Variants in PHACTR1 observed in about 807,000 individuals in gnomAD.
PHACTR1 encodes the protein RPEL repeat containing 1.
PHACTR1 carries 16 observed loss-of-function variants against 69.2 expected under a neutral mutation model. The observed-to-expected ratio is 0.23, with a 90% confidence interval of 0.16 to 0.35. The LOEUF is 0.35. Among genes scored for constraint, PHACTR1 ranks in the 10% least tolerant of loss-of-function variants. The pLI is 1.00. For synonymous variants in PHACTR1, 312 were observed against 284.5 expected, an observed-to-expected ratio of 1.10 and a Z score of -0.97; for missense variants, 510 against 734.7, an observed-to-expected ratio of 0.69 and a Z score of 3.54.
intron 5 of PHACTR1, among the ~76,000 whole-genome samples, chr6:13,077,384 C>T (rs1463839035): frequency 1.3e-5 from 2 of 152,164 alleles, no homozygotes; most frequent in African/African-American, 4.8e-5. Flanking sequence ...GCACACCTAA[C>T]CGTGGCACCA....
At chr6:12,990,016 A>G (rs191402837) in intron 4 of PHACTR1, among the ~76,000 whole-genome samples, 3 of 152,184 alleles carry the variant, frequency 2.0e-5, no homozygotes, top group African/African-American at 7.2e-5. Context: ...GCATGGGAAC[A>G]TGATGGCAAT....
At chr6:13,213,475 G>C (rs1767191188) in intron 8 of PHACTR1, among the ~76,000 whole-genome samples, 1 of 152,154 alleles carries the variant, frequency 6.6e-6, no homozygotes, top group African/African-American at 2.4e-5. Flanking sequence ...CTTGCAACAG[G>C]TTATGTGTTT....
At chr6:13,164,787 C>G (rs139320454) in intron 6 of PHACTR1, among the ~76,000 whole-genome samples, 348 of 152,270 alleles carry the variant, frequency 2.3e-3, no homozygotes, top group African/African-American at 7.9e-3. Flanking sequence ...AAAATTCTTT[C>G]CATTTTCCTT....
At chr6:13,214,625 G>T (rs540116452) in intron 8 of PHACTR1, among the ~76,000 whole-genome samples, 1 of 152,236 alleles carries the variant, frequency 6.6e-6, no homozygotes, top group South Asian at 2.1e-4. Context: ...AGAATTTTAC[G>T]CTGAGACCTG....
intron 4 of PHACTR1, among the ~76,000 whole-genome samples, chr6:12,880,823 C>T (rs1267293501): frequency 6.6e-6 from 1 of 151,964 alleles, no homozygotes; most frequent in African/African-American, 2.4e-5. Context: ...CAAATTGATT[C>T]ATTGATTGGC....
At chr6:12,850,751 A>G (rs1779745948) in intron 4 of PHACTR1, among the ~76,000 whole-genome samples, 1 of 152,106 alleles carries the variant, frequency 6.6e-6, no homozygotes, top group Non-Finnish European at 1.5e-5. Flanking sequence ...TTGGCTTGTA[A>G]ATGCATCATC....
At position 12,801,968 on chromosome 6, in the gene PHACTR1, T is replaced by G. The variant is rs577301292; in HGVS notation, c.250+52178T>G. ...TGACCTTGTTTACCATTACTTATAT[T>G]GGTGGCCTCATCTGATTCAAATTTA... is the stretch of plus-strand genomic sequence containing the variant. On this transcript the variant is annotated intron_variant, in intron 4 of 14. Coordinates refer to ENST00000332995, the MANE Select transcript of PHACTR1 (RefSeq NM_030948.6). Among the ~76,000 whole-genome samples the G allele has an allele frequency of 2.6e-5, 4 of 152,030 alleles. No homozygotes were observed. The South Asian group carries it at 8.3e-4, about 32-fold the overall frequency.
chr6:13,030,338 C>T (rs1446045285), intron 4 of PHACTR1, among the ~76,000 whole-genome samples: 2 of 152,174 alleles, frequency 1.3e-5, no homozygotes, highest in East Asian at 3.8e-4. Flanking sequence ...AAGAAACTTA[C>T]ACAGAGTTTC....
intron 4 of PHACTR1, among the ~76,000 whole-genome samples, chr6:12,868,041 C>CCT (rs1781637730): frequency 6.6e-6 from 1 of 152,036 alleles, no homozygotes; most frequent in South Asian, 2.1e-4. Flanking sequence ...GGGCAGATCA[C>CCT]GAGGTCAGGA....
intron 8 of PHACTR1, among the ~76,000 whole-genome samples, chr6:13,227,495 T>G (rs1769965708): frequency 6.6e-6 from 1 of 152,198 alleles, no homozygotes; most frequent in Non-Finnish European, 1.5e-5. Flanking sequence ...ATTAAGTACG[T>G]TCACATCATT....
intron 8 of PHACTR1, among the ~76,000 whole-genome samples, chr6:13,223,140 T>G (rs1026691318): frequency 1.3e-5 from 2 of 152,196 alleles, no homozygotes; most frequent in Non-Finnish European, 2.9e-5. Flanking sequence ...GTGTTTAAAT[T>G]TTTAAAAAAT....
chr6:12,904,781 C>T (rs1459240348), intron 4 of PHACTR1, among the ~76,000 whole-genome samples: 2 of 152,096 alleles, frequency 1.3e-5, no homozygotes, highest in African/African-American at 4.8e-5. Context: ...GTAAAGGGCA[C>T]GGTCTGACTT....
intron 5 of PHACTR1, among the ~76,000 whole-genome samples, chr6:13,066,852 A>G (rs985630502): frequency 1.3e-5 from 2 of 152,162 alleles, no homozygotes; most frequent in African/African-American, 4.8e-5. Flanking sequence ...ACAAAATAAG[A>G]TGCTTCCATG....
chr6:13,231,764 C>G (rs922380305), intron 10 of PHACTR1, among the ~76,000 whole-genome samples: 1 of 152,188 alleles, frequency 6.6e-6, no homozygotes, highest in East Asian at 1.9e-4. Flanking sequence ...CATTAGGTAA[C>G]CTTTGTTGAG....
chr6:13,112,227 C>T (rs1218102038), intron 5 of PHACTR1, among the ~76,000 whole-genome samples: 1 of 152,172 alleles, frequency 6.6e-6, no homozygotes, highest in African/African-American at 2.4e-5. Flanking sequence ...TTTGTGGCTG[C>T]ATAGTATTCC....
chr6:12,830,133 G>GAAAGA (rs1554146504), intron 4 of PHACTR1, among the ~76,000 whole-genome samples: 19 of 143,462 alleles, frequency 1.3e-4, no homozygotes, highest in African/African-American at 3.5e-4. Context: ...AAGAAAGAAA[G>GAAAGA]AAAGAAAGAA....
At chr6:13,132,909 T>C (rs1056243332) in intron 5 of PHACTR1, among the ~76,000 whole-genome samples, 1 of 152,132 alleles carries the variant, frequency 6.6e-6, no homozygotes, top group Non-Finnish European at 1.5e-5. Flanking sequence ...TGATTGACCC[T>C]TCCTTTCATG....
rs530978077 is a variant in PHACTR1 at position 12,862,840 on chromosome 6, G to C, written c.250+113050G>C. Among the ~76,000 whole-genome samples, 3 of 152,276 alleles carry C rather than the reference G, an allele frequency of 2.0e-5. No homozygotes were observed. The South Asian group carries it at 6.2e-4, about 32-fold the overall frequency. ...ACAATATATAAATAACCTTGTACCA[G>C]ATTCTATATGTAAGAGTCTAGAAGT... On this transcript the variant is annotated intron_variant, in intron 4 of 14. Transcript: ENST00000332995.
At chr6:12,996,966 G>A (rs1797487800) in intron 4 of PHACTR1, among the ~76,000 whole-genome samples, 1 of 152,090 alleles carries the variant, frequency 6.6e-6, no homozygotes. Flanking sequence ...AGGAGTTTGA[G>A]ACCAGCCTGA....
Sources: gnomAD v4.1 joint callset for allele counts (sites outside exome capture counted in the v4.1 genomes callset) on GRCh38, gnomAD v4.1.1 for gene constraint, MANE v1.5 for transcripts, NCBI Gene and HGNC (gene_info 2026-07-23, HGNC 2026-07-21) for gene names.